The following FBXO42 variants were observed in gnomAD, a reference collection of about 807,000 sequenced individuals.
FBXO42 encodes F-box only protein 42.
FBXO42 carries 12 observed loss-of-function variants against 71.7 expected under a neutral mutation model. The observed-to-expected ratio is 0.17, with a 90% CI of 0.11 to 0.27. The LOEUF is 0.27. Among genes scored for constraint, FBXO42 ranks in the 10% least tolerant of loss-of-function variants. FBXO42 has a pLI of 1.00. For synonymous variants in FBXO42, 325 were observed against 327.5 expected, an observed-to-expected ratio of 0.99 and a Z score of 0.08; for missense variants, 707 against 911.9, an observed-to-expected ratio of 0.78 and a Z score of 2.89.
intron 1 of FBXO42, among the ~76,000 whole-genome samples, chr1:16,332,056 AAAAAAG>A (rs1308349931): frequency 3.3e-5 from 5 of 152,208 alleles, no homozygotes; most frequent in Non-Finnish European, 7.3e-5. Flanking sequence ...TCTCCAAAAA[AAAAAAG>A]AAAAAGAAAA....
At chr1:16,316,730 C>CAA (rs71003274) in intron 1 of FBXO42, among the ~76,000 whole-genome samples, 391 of 50,514 alleles carry the variant, frequency 7.7e-3, no homozygotes, top group South Asian at 0.018. Context: ...GAAAGACTCT[C>CAA]AAAAAAAAAA....
intron 4 of FBXO42, among the ~76,000 whole-genome samples, chr1:16,267,268 C>A (rs1380775350): frequency 6.6e-6 from 1 of 152,002 alleles, no homozygotes; most frequent in African/African-American, 2.4e-5. Context: ...TATAAATGCC[C>A]ATGAAGATAC....
chr1:16,292,544 G>A (rs1234662654), intron 4 of FBXO42: 1 of 152,026 alleles, frequency 6.6e-6, no homozygotes, highest in African/African-American at 2.4e-5. Flanking sequence ...GGATCCTTCT[G>A]CCTTGGCCTC....
Position 16,346,669 on chromosome 1 carries a change from C to T in FBXO42, c.-18+5586G>A, listed in dbSNP as rs529167733. 4.6e-3 allele frequency among the ~76,000 whole-genome samples: 633 copies of T among 137,068 alleles called. 5 individuals are homozygous for T. The highest frequency in any genetic ancestry group is 6.4e-3 in the Non-Finnish European group (418 of 65,486). 89.9% of individuals were successfully genotyped at this position (137,068 alleles called of 152,430 possible). A position where few individuals can be genotyped will look rare whatever the true frequency, so the allele number is the denominator to read the frequency against. On this transcript the variant is annotated intron_variant, in intron 1 of 9. Coordinates refer to ENST00000375592, the MANE Select transcript of FBXO42 (RefSeq NM_018994.3). ...CGCCACTGCACTCCAGCCTGGGCGA[C>T]AGAGCTAGACTCCGTCTCGGGGAAA...
intron 4 of FBXO42, among the ~76,000 whole-genome samples, chr1:16,288,302 T>A (rs1412096457): frequency 6.6e-6 from 1 of 151,924 alleles, no homozygotes; most frequent in Non-Finnish European, 1.5e-5. Context: ...TGGTGGCACA[T>A]GCCTGTAACC....
intron 4 of FBXO42, among the ~76,000 whole-genome samples, chr1:16,283,898 G>A (rs2081993447): frequency 2.0e-5 from 3 of 152,124 alleles, no homozygotes; most frequent in Admixed American, 1.3e-4. Context: ...TAATTTAAAT[G>A]TAAAATTTCT....
intron 1 of FBXO42, among the ~76,000 whole-genome samples, chr1:16,316,333 CTT>C (rs1218142157): frequency 1.3e-5 from 2 of 152,034 alleles, no homozygotes; most frequent in African/African-American, 4.8e-5. Flanking sequence ...CAAAATATCT[CTT>C]TTGTTACTGT....
At chr1:16,282,522 G>A (rs1174684148) in intron 4 of FBXO42, among the ~76,000 whole-genome samples, 3 of 122,294 alleles carry the variant, frequency 2.5e-5, no homozygotes, top group African/African-American at 5.5e-5. Context: ...CACTGTGCCC[G>A]GCCATTTTCT....
At chr1:16,267,306 T>C (rs1055120097) in intron 4 of FBXO42, among the ~76,000 whole-genome samples, 1 of 152,152 alleles carries the variant, frequency 6.6e-6, no homozygotes, top group African/African-American at 2.4e-5. Flanking sequence ...AAGAAAGAAA[T>C]AGGAAGTAAA....
intron 1 of FBXO42, among the ~76,000 whole-genome samples, chr1:16,348,893 AAC>A (rs1246312715): frequency 1.3e-5 from 2 of 152,208 alleles, no homozygotes; most frequent in Admixed American, 6.6e-5. Context: ...TCAAATTAAA[AAC>A]ACAGTGCCTC....
intron 1 of FBXO42, among the ~76,000 whole-genome samples, chr1:16,334,436 A>AAC (rs1553155510): frequency 1.2e-4 from 18 of 151,548 alleles, no homozygotes; most frequent in African/African-American, 4.4e-4. Flanking sequence ...AAAAAAAAAA[A>AAC]AAAACAGACT....
chr1:16,254,811 G>A (rs2081622836), intron 6 of FBXO42, among the ~76,000 whole-genome samples: 2 of 152,344 alleles, frequency 1.3e-5, no homozygotes, highest in Non-Finnish European at 2.9e-5. Context: ...GGCTTGAGCT[G>A]TCCAGTATGG....
At chr1:16,286,222 T>C (rs1041370969) in intron 4 of FBXO42, among the ~76,000 whole-genome samples, 5 of 152,132 alleles carry the variant, frequency 3.3e-5, no homozygotes, top group Non-Finnish European at 7.4e-5. Flanking sequence ...TGCAGTCTCA[T>C]AGCTTTAAAT....
intron 2 of FBXO42, among the ~76,000 whole-genome samples, chr1:16,312,559 G>A (rs75973375): frequency 1.3e-5 from 2 of 152,098 alleles, no homozygotes; most frequent in Non-Finnish European, 2.9e-5. Flanking sequence ...TTTTAGGGCA[G>A]TGAAGCTATT....
chr1:16,340,645 G>A (rs947286366), intron 1 of FBXO42, among the ~76,000 whole-genome samples: 7 of 152,078 alleles, frequency 4.6e-5, no homozygotes, highest in African/African-American at 1.7e-4. Flanking sequence ...TTAGGGTTTT[G>A]CCATGCCAAG....
chr1:16,275,839 T>C (rs1199367206), intron 4 of FBXO42, among the ~76,000 whole-genome samples: 2 of 151,566 alleles, frequency 1.3e-5, no homozygotes, highest in African/African-American at 4.9e-5. Flanking sequence ...CAAAACCCCG[T>C]CTCTACTAAA....
chr1:16,321,257 A>T (rs1409351297), intron 1 of FBXO42, among the ~76,000 whole-genome samples: 1 of 152,240 alleles, frequency 6.6e-6, no homozygotes, highest in Non-Finnish European at 1.5e-5. Context: ...GAGAACACAC[A>T]TGGGTGAGCT....
At chr1:16,343,389 C>CAA (rs56298793) in intron 1 of FBXO42, among the ~76,000 whole-genome samples, 1 of 151,674 alleles carries the variant, frequency 6.6e-6, no homozygotes, top group African/African-American at 2.4e-5. Context: ...ACAAAAAACA[C>CAA]AAAAAAATTA....
At chr1:16,256,871 C>A (rs1430285359) in intron 4 of FBXO42, 112 bp from the exon 5 acceptor site, 9 of 1,118,700 alleles carry the variant, frequency 8.0e-6, no homozygotes, top group Non-Finnish European at 1.2e-5. Context: ...GGAACTAATA[C>A]TACAAAGTGT....
Sources: allele counts gnomAD v4.1 joint callset (sites outside exome capture counted in the v4.1 genomes callset), GRCh38; gene constraint gnomAD v4.1.1; transcripts MANE v1.5; gene names NCBI Gene and HGNC (gene_info 2026-07-23, HGNC 2026-07-21).